NPAS2: variants seen among roughly 807,000 people sequenced by gnomAD.
The protein encoded by NPAS2 is neuronal PAS domain-containing protein 2.
A neutral mutation model predicts 107.5 loss-of-function variants in NPAS2; 23 were observed. The ratio of observed to expected loss-of-function variants is 0.21; its 90% CI spans 0.15 to 0.30. The LOEUF is 0.30. NPAS2 is among the 10% of genes least tolerant of loss of function. The pLI is 1.00. For missense variants in NPAS2, 756 were observed against 1,043.3 expected, an observed-to-expected ratio of 0.72 and a Z score of 3.79; for synonymous variants, 403 against 417.5, an observed-to-expected ratio of 0.97 and a Z score of 0.42.
At chr2:100,955,915 G>T (rs1412227671) in intron 7 of NPAS2, among the ~76,000 whole-genome samples, 1 of 151,900 alleles carries the variant, frequency 6.6e-6, no homozygotes, top group Non-Finnish European at 1.5e-5. Flanking sequence ...TTGTTTGTTT[G>T]TTTTTTTGAG....
At chr2:100,829,589 A>G (rs1179853923) in intron 1 of NPAS2, among the ~76,000 whole-genome samples, 28 of 152,176 alleles carry the variant, frequency 1.8e-4, no homozygotes, top group Admixed American at 1.8e-3. Flanking sequence ...CCATAGAATC[A>G]TATCAGCAGC....
At chr2:100,826,440 C>CA (rs1431915166) in intron 1 of NPAS2, among the ~76,000 whole-genome samples, 5 of 151,708 alleles carry the variant, frequency 3.3e-5, no homozygotes, top group Non-Finnish European at 5.9e-5. Flanking sequence ...GACTTTGTCT[C>CA]AAAAAAATAA....
At chr2:100,873,093 A>G (rs1476787181) in intron 1 of NPAS2, among the ~76,000 whole-genome samples, 1 of 151,516 alleles carries the variant, frequency 6.6e-6, no homozygotes, top group African/African-American at 2.4e-5. Flanking sequence ...ACTTGAGGTC[A>G]GAAGTTTGAC....
intron 2 of NPAS2, among the ~76,000 whole-genome samples, chr2:100,916,911 CTG>C (rs1682912657): frequency 6.6e-6 from 1 of 152,106 alleles, no homozygotes. Context: ...AAACAACAAA[CTG>C]TGTAGTAATC....
At chr2:100,932,022 G>T (rs1683991138) in intron 3 of NPAS2, among the ~76,000 whole-genome samples, 1 of 152,166 alleles carries the variant, frequency 6.6e-6, no homozygotes, top group African/African-American at 2.4e-5. Context: ...TCTGAGCTAT[G>T]AGTCTTATGT....
intron 2 of NPAS2, among the ~76,000 whole-genome samples, chr2:100,924,383 C>A (rs1258317057): frequency 6.6e-6 from 1 of 152,252 alleles, no homozygotes; most frequent in Non-Finnish European, 1.5e-5. Context: ...ATCCTCTGTT[C>A]ATCCCTCCTA....
intron 1 of NPAS2, among the ~76,000 whole-genome samples, chr2:100,857,751 G>A (rs1051056814): frequency 2.9e-4 from 44 of 152,246 alleles, no homozygotes; most frequent in African/African-American, 1.0e-3. Flanking sequence ...TACAGGGCAG[G>A]CCACAGTTTA....
intron 13 of NPAS2, chr2:100,975,162 T>C (rs1676894780): frequency 1.7e-6 from 1 of 605,152 alleles, no homozygotes; most frequent in Admixed American, 3.0e-5. Flanking sequence ...AGACATTGAG[T>C]GGGTTGTGCA....
At chr2:100,857,591 G>A (rs534135633) in intron 1 of NPAS2, among the ~76,000 whole-genome samples, 3 of 152,318 alleles carry the variant, frequency 2.0e-5, no homozygotes, top group African/African-American at 7.2e-5. Flanking sequence ...CACTAGATAT[G>A]TGTTTCAGGG....
At chr2:100,842,081 GCACACACACA>G (rs59267718) in intron 1 of NPAS2, among the ~76,000 whole-genome samples, 7 of 148,902 alleles carry the variant, frequency 4.7e-5, no homozygotes, top group South Asian at 2.1e-4. Flanking sequence ...GCATGTACGC[GCACACACACA>G]CACACACACA....
chr2:100,961,939 A>T (rs908732131), intron 7 of NPAS2, among the ~76,000 whole-genome samples: 5 of 152,216 alleles, frequency 3.3e-5, no homozygotes, highest in Non-Finnish European at 1.5e-5. Context: ...ATTAGTCATT[A>T]TCTGGCTGGG....
intron 2 of NPAS2, among the ~76,000 whole-genome samples, chr2:100,912,150 T>C (rs906430891): frequency 1.3e-5 from 2 of 152,224 alleles, no homozygotes; most frequent in African/African-American, 4.8e-5. Context: ...GTAGGCACTG[T>C]GGAGACTACA....
intron 1 of NPAS2, among the ~76,000 whole-genome samples, chr2:100,881,732 C>A (rs1225009129): frequency 6.6e-6 from 1 of 152,194 alleles, no homozygotes; most frequent in South Asian, 2.1e-4. Context: ...CAAGACACTT[C>A]GAGGTGCTTT....
Position 100,874,734 on chromosome 2 carries a change from C to T in NPAS2, c.-22-29999C>T, listed in dbSNP as rs370999778. ...TCCAGCCTGGGGGACAGGAGTGAAACTCCATCTCAAAAAAAAAGATAAAAA... is the reference window on the plus strand; with the variant it reads ...TCCAGCCTGGGGGACAGGAGTGAAATTCCATCTCAAAAAAAAAGATAAAAA... On this transcript the variant is annotated intron_variant, in intron 1 of 20. Coordinates refer to ENST00000335681, the MANE Select transcript of NPAS2 (RefSeq NM_002518.4). Among the ~76,000 whole-genome samples, 3 of 152,114 alleles carry T rather than the reference C, an allele frequency of 2.0e-5. No homozygotes were observed. In the East Asian group the frequency reaches 5.8e-4, roughly 29 times the overall value.
In NPAS2 at chr2:100,960,056, G is replaced by T. The variant is rs551118751; in HGVS notation, c.599-4002G>T. ...TCTCCTCATCATGGCTGATTTGGGA[G>T]CTCACCTTTGTCATCAGACAGACTT... On this transcript the variant is annotated intron_variant, in intron 7 of 20. Coordinates refer to ENST00000335681, the MANE Select transcript of NPAS2 (RefSeq NM_002518.4). 2.6e-5 allele frequency among the ~76,000 whole-genome samples: 4 copies of T among 152,248 alleles called. No homozygotes were observed. In the East Asian group the frequency reaches 7.8e-4, roughly 30 times the overall value.
intron 14 of NPAS2, 139 bp from the exon 15 acceptor site, chr2:100,977,571 A>G: frequency 1.4e-6 from 1 of 701,554 alleles, no homozygotes; most frequent in South Asian, 1.7e-5. Context: ...GGGAACAGAC[A>G]CCTATACTTT....
At chr2:100,894,332 C>T (rs1036774900) in intron 1 of NPAS2, among the ~76,000 whole-genome samples, 9 of 152,218 alleles carry the variant, frequency 5.9e-5, no homozygotes, top group Non-Finnish European at 1.2e-4. Context: ...TCTCCTTCCT[C>T]ACAACCTCAC....
At chr2:100,819,007 C>A (rs1287979707), upstream of NPAS2, among the ~76,000 whole-genome samples, 1 of 152,170 alleles carries the variant, frequency 6.6e-6, no homozygotes, top group Non-Finnish European at 1.5e-5. This position sits in a 1 kb window ranked among gnomAD's most constrained non-coding sequence, Gnocchi z 5.8. Context: ...ACAGCAGCCC[C>A]GGCACCCGGG....
At chr2:100,870,283 C>CT in intron 1 of NPAS2, among the ~76,000 whole-genome samples, 1 of 152,194 alleles carries the variant, frequency 6.6e-6, no homozygotes. Flanking sequence ...CAGTAGGAGG[C>CT]TGTCCAGGGT....
Sources: allele counts gnomAD v4.1 joint callset (sites outside exome capture counted in the v4.1 genomes callset), GRCh38; gene constraint gnomAD v4.1.1; non-coding constraint Gnocchi (gnomAD v3.1); transcripts MANE v1.5; gene names NCBI Gene and HGNC (gene_info 2026-07-23, HGNC 2026-07-21).